Variants in FANCC observed in about 807,000 individuals in gnomAD.
The protein encoded by FANCC is FA complementation group C.
A neutral mutation model predicts 71.3 loss-of-function variants in FANCC; 55 were observed. That is an observed-to-expected ratio of 0.77 (90% CI 0.62 to 0.97). The LOEUF (loss-of-function observed/expected upper bound fraction) is 0.97, where lower values mean the gene tolerates loss of function less well. Ranked by LOEUF, FANCC falls within the 50% of genes least tolerant of loss-of-function variation. The probability of loss-of-function intolerance (pLI) is 0.00; values close to 1 mark genes in which losing one functional copy is unlikely to be tolerated. For missense variants in FANCC, 678 were observed against 670.9 expected, an observed-to-expected ratio of 1.01 and a Z score of -0.12; for synonymous variants, 275 against 244.9, an observed-to-expected ratio of 1.12 and a Z score of -1.15.
At chr9:95,162,783 C>A (rs933086872) in intron 6 of FANCC, among the ~76,000 whole-genome samples, 1 of 152,140 alleles carries the variant, frequency 6.6e-6, no homozygotes, top group Non-Finnish European at 1.5e-5. Flanking sequence ...CTATTCAAGT[C>A]TTTGACCTAT....
chr9:95,194,637 T>G (rs900125150), intron 4 of FANCC, among the ~76,000 whole-genome samples: 1 of 152,180 alleles, frequency 6.6e-6, no homozygotes, highest in Non-Finnish European at 1.5e-5. Context: ...ATTTGCCATT[T>G]TTTTTTTGCT....
intron 6 of FANCC, among the ~76,000 whole-genome samples, chr9:95,151,935 A>AAC (rs905348814): frequency 6.6e-6 from 1 of 151,934 alleles, no homozygotes; most frequent in African/African-American, 2.4e-5. Flanking sequence ...CTCAAAAAAA[A>AAC]AAAAACAAAA....
At chr9:95,128,956 G>C (rs772718933) in intron 8 of FANCC, among the ~76,000 whole-genome samples, 1 of 151,346 alleles carries the variant, frequency 6.6e-6, no homozygotes, top group Non-Finnish European at 1.5e-5. Flanking sequence ...CCAGGCTGGA[G>C]TGCAGTGGTG....
chr9:95,279,001 C>T (rs911753714), intron 1 of FANCC, among the ~76,000 whole-genome samples: 7 of 150,988 alleles, frequency 4.6e-5, no homozygotes, highest in African/African-American at 1.7e-4. Context: ...GCCTGGGCAA[C>T]AAAAAATCTC....
chr9:95,230,933 A>G (rs1250455462), intron 4 of FANCC, among the ~76,000 whole-genome samples: 1 of 151,852 alleles, frequency 6.6e-6, no homozygotes, highest in Non-Finnish European at 1.5e-5. Flanking sequence ...CTGTTTTTAC[A>G]GAGTGCTGAT....
At chr9:95,210,996 T>C (rs541007634) in intron 4 of FANCC, among the ~76,000 whole-genome samples, 1 of 152,320 alleles carries the variant, frequency 6.6e-6, no homozygotes, top group African/African-American at 2.4e-5. Context: ...CTTGAAGGCT[T>C]ACCAATTTTT....
At chr9:95,272,807 A>G (rs2136225525) in intron 1 of FANCC, among the ~76,000 whole-genome samples, 1 of 152,350 alleles carries the variant, frequency 6.6e-6, no homozygotes, top group Non-Finnish European at 1.5e-5. Context: ...AGTGAGGGAT[A>G]GGCATATTTA....
intron 1 of FANCC, among the ~76,000 whole-genome samples, chr9:95,273,965 T>C (rs576460717): frequency 1.3e-5 from 2 of 152,346 alleles, no homozygotes; most frequent in South Asian, 2.1e-4. Flanking sequence ...TGTATCACTT[T>C]AGAATTTGTG....
chr9:95,257,609 C>A (rs901152263), intron 1 of FANCC, among the ~76,000 whole-genome samples: 4 of 152,052 alleles, frequency 2.6e-5, no homozygotes, highest in African/African-American at 9.7e-5. Flanking sequence ...CCTAACATCA[C>A]AATTAAAAGA....
At chr9:95,268,697 C>A (rs1477794872) in intron 1 of FANCC, among the ~76,000 whole-genome samples, 2 of 150,744 alleles carry the variant, frequency 1.3e-5, no homozygotes, top group South Asian at 4.2e-4. Flanking sequence ...TTTTTTTTTT[C>A]TTTAAAAGGT....
At chr9:95,272,502 C>T (rs1288860455) in intron 1 of FANCC, among the ~76,000 whole-genome samples, 1 of 152,022 alleles carries the variant, frequency 6.6e-6, no homozygotes, top group Non-Finnish European at 1.5e-5. Flanking sequence ...TCGAGCCCAG[C>T]CTGGCCAACA....
chr9:95,222,442 C>T (rs1236037650), intron 4 of FANCC, among the ~76,000 whole-genome samples: 1 of 152,024 alleles, frequency 6.6e-6, no homozygotes. Context: ...AAAAGTTCAT[C>T]TATGGTGACA....
intron 10 of FANCC, among the ~76,000 whole-genome samples, chr9:95,121,678 G>A (rs2042028204): frequency 6.6e-6 from 1 of 152,174 alleles, no homozygotes; most frequent in Non-Finnish European, 1.5e-5. Flanking sequence ...ACATGGCAAC[G>A]TCAAGAAGTC....
intron 6 of FANCC, among the ~76,000 whole-genome samples, chr9:95,165,900 C>T (rs943323182): frequency 1.3e-5 from 2 of 151,974 alleles, no homozygotes; most frequent in Non-Finnish European, 2.9e-5. Flanking sequence ...TATTGTGTTA[C>T]TGTCTCTTTC....
chr9:95,181,830 G>C (rs1588238102), intron 4 of FANCC, among the ~76,000 whole-genome samples: 1 of 152,344 alleles, frequency 6.6e-6, no homozygotes, highest in East Asian at 1.9e-4. Flanking sequence ...AAAAGCCATT[G>C]AATGTGCTTA....
At chr9:95,303,221 TTTAA>T (rs1322688204) in intron 1 of FANCC, among the ~76,000 whole-genome samples, 4 of 152,204 alleles carry the variant, frequency 2.6e-5, no homozygotes, top group Non-Finnish European at 5.9e-5. Flanking sequence ...TTTATTTAAT[TTTAA>T]TTAATGTAAA....
rs573281820 is a variant in FANCC, at chr9:95,187,055, G to A, written c.346-14908C>T. ...CCCAAAGTGCTGGGATTACAGGTGC[G>A]AGCCACCGTGCCTGGCCTTAGGATA... On this transcript the variant is annotated intron_variant, in intron 4 of 14. Transcript: ENST00000289081. Among the ~76,000 whole-genome samples, 7 of 152,162 alleles carry A rather than the reference G, an allele frequency of 4.6e-5. No homozygotes were observed. The South Asian group carries it at 6.2e-4, about 14-fold the overall frequency.
intron 6 of FANCC, among the ~76,000 whole-genome samples, chr9:95,167,683 G>T (rs1825388649): frequency 1.3e-5 from 2 of 151,974 alleles, no homozygotes; most frequent in South Asian, 2.1e-4. Flanking sequence ...TCTCTTTGTT[G>T]ATATTCTCAT....
chr9:95,269,397 C>CT (rs1162205989), intron 1 of FANCC, among the ~76,000 whole-genome samples: 1 of 152,194 alleles, frequency 6.6e-6, no homozygotes, highest in Admixed American at 6.5e-5. Flanking sequence ...TACAATAGTC[C>CT]TTTTCTCCTT....
Sources: gnomAD v4.1 joint callset for allele counts (sites outside exome capture counted in the v4.1 genomes callset) on GRCh38, gnomAD v4.1.1 for gene constraint, MANE v1.5 for transcripts, NCBI Gene and HGNC (gene_info 2026-07-23, HGNC 2026-07-21) for gene names.